CFAP20DC: variants seen among roughly 807,000 people sequenced by gnomAD.
The protein encoded by CFAP20DC is CFAP20 domain containing.
Under a neutral mutation model 101.7 loss-of-function variants are expected in CFAP20DC, and 84 were observed. The ratio of observed to expected loss-of-function variants is 0.83; its 90% CI spans 0.69 to 0.99. CFAP20DC has a LOEUF of 0.99. Among genes scored for constraint, CFAP20DC ranks in the 50% least tolerant of loss-of-function variants. The pLI is 0.00. For synonymous variants in CFAP20DC, 359 were observed against 351.2 expected (o/e 1.02, Z -0.25); for missense variants, 1,007 against 970.3 (o/e 1.04, Z -0.50).
At chr3:58,758,391 T>C (rs1318521914) in intron 15 of CFAP20DC, among the ~76,000 whole-genome samples, 2 of 152,112 alleles carry the variant, frequency 1.3e-5, no homozygotes, top group South Asian at 4.1e-4. Flanking sequence ...GTCTTAGCTT[T>C]AGTTCTGAAC....
At chr3:58,842,566 A>G (rs1009328541) in intron 13 of CFAP20DC, among the ~76,000 whole-genome samples, 1 of 152,250 alleles carries the variant, frequency 6.6e-6, no homozygotes, top group South Asian at 2.1e-4. Flanking sequence ...ATCAAACTGC[A>G]AGGCGGCAGC....
rs551035885 is a variant in CFAP20DC, at chr3:58,913,759, G to A, written c.499C>T (p.Arg167Trp). Residue 167 changes from arginine (R) to tryptophan (W), a missense_variant, in exon 6 of 17, where the codon CGG becomes TGG. By Grantham distance (101) the Arg-to-Trp change is moderately radical (BLOSUM62 -3). Transcript: ENST00000482387. This position sits in a 1 kb window ranked among gnomAD's most constrained non-coding sequence, Gnocchi z 4.4. The part of the protein sequence containing the change: ...GIVVSANCKL[R>W]KIFTLKSKPQ... ...TTTGATTTTAAGGTGAAGATCTTCC[G>A]TAGCTTACAGTTAGCTGAGACAACA... is the stretch of plus-strand genomic sequence containing the variant. The A allele has an allele frequency of 1.2e-5, 20 of 1,613,658 alleles. No individual in the cohort carries two copies. The highest frequency in any genetic ancestry group is 1.1e-4 in the South Asian group (10 of 91,068).
intron 14 of CFAP20DC, among the ~76,000 whole-genome samples, chr3:58,827,116 T>C (rs1021152240): frequency 6.6e-6 from 1 of 152,126 alleles, no homozygotes; most frequent in African/African-American, 2.4e-5. Context: ...GTGACAATGA[T>C]GTGTCAATGG....
In CFAP20DC at chr3:58,948,045, G is replaced by A. The variant is rs549733399; in HGVS notation, c.279-10283C>T. On this transcript the variant is annotated intron_variant, in intron 4 of 16. Transcript: ENST00000482387. ...TGTATATTGGAACTTGGGTCCATGG[G>A]TGAAGTGGGCCTCCACAGCATCAAA... 6.3e-4 allele frequency among the ~76,000 whole-genome samples: 96 copies of A among 152,310 alleles called. 2 individuals carry two copies. The South Asian group carries it at 0.019, about 31-fold the overall frequency.
At chr3:58,756,261 A>G (rs572557624) in intron 15 of CFAP20DC, among the ~76,000 whole-genome samples, 2 of 152,202 alleles carry the variant, frequency 1.3e-5, no homozygotes, top group South Asian at 4.1e-4. Context: ...CAGTATCCTC[A>G]AGATATTTAC....
In CFAP20DC at chr3:58,776,342, TAGATTTATAA is replaced by T. The variant is rs2071340362; in HGVS notation, c.2238-22489_2238-22480del. ...CCTCTATTTGCCTAAAAGTAGGACA[TAGATTTATAA>T]AGATAAAAGGTATCTTGGTCCCTCT... On this transcript the variant is annotated intron_variant, in intron 15 of 16. Transcript: ENST00000482387. Among the ~76,000 whole-genome samples, 3 of 152,046 alleles carry T rather than the reference TAGATTTATAA, an allele frequency of 2.0e-5. No individual in the cohort carries two copies. The South Asian group carries it at 6.2e-4, about 32-fold the overall frequency.
intron 14 of CFAP20DC, among the ~76,000 whole-genome samples, chr3:58,814,622 C>T (rs905993563): frequency 6.6e-6 from 1 of 151,114 alleles, no homozygotes; most frequent in African/African-American, 2.5e-5. Context: ...TGTCTCAGCC[C>T]AAAATCTCCT....
chr3:58,772,503 C>T (rs2070939506), intron 15 of CFAP20DC, among the ~76,000 whole-genome samples: 1 of 152,062 alleles, frequency 6.6e-6, no homozygotes, highest in Non-Finnish European at 1.5e-5. Context: ...CATATACTGC[C>T]AGAGTGTAAA....
chr3:58,771,726 C>T (rs757952372), intron 15 of CFAP20DC, among the ~76,000 whole-genome samples: 11 of 152,148 alleles, frequency 7.2e-5, no homozygotes, highest in Admixed American at 2.6e-4. Flanking sequence ...TCAATCTCTA[C>T]GAACAAATCT....
chr3:59,044,731 G>A (rs1282293983), intron 3 of CFAP20DC, among the ~76,000 whole-genome samples: 1 of 151,726 alleles, frequency 6.6e-6, no homozygotes, highest in African/African-American at 2.4e-5. Context: ...CATACTGAGG[G>A]CATTAAATGA....
At chr3:58,871,455 T>G (rs754627685) in intron 7 of CFAP20DC, among the ~76,000 whole-genome samples, 3 of 152,068 alleles carry the variant, frequency 2.0e-5, no homozygotes, top group Admixed American at 1.3e-4. Context: ...TGCCTTCCCT[T>G]CTGCACACAC....
At chr3:58,761,920 G>C (rs2069649255) in intron 15 of CFAP20DC, among the ~76,000 whole-genome samples, 1 of 152,036 alleles carries the variant, frequency 6.6e-6, no homozygotes, top group Admixed American at 6.6e-5. Context: ...TATAATTTCT[G>C]TTCTTTTACA....
chr3:59,016,887 G>T (rs890251178), intron 4 of CFAP20DC, among the ~76,000 whole-genome samples: 4 of 152,076 alleles, frequency 2.6e-5, no homozygotes, highest in Non-Finnish European at 4.4e-5. Flanking sequence ...CAATTCTTAA[G>T]ATCTTATTAG....
chr3:58,730,735 C>G (rs1178507217), intron 3 of CFAP20DC, among the ~76,000 whole-genome samples: 1 of 152,140 alleles, frequency 6.6e-6, no homozygotes, highest in Non-Finnish European at 1.5e-5. Flanking sequence ...ATTATTTTAG[C>G]CTCCCCAAAT....
intron 14 of CFAP20DC, among the ~76,000 whole-genome samples, chr3:58,821,697 G>A (rs920940382): frequency 1.3e-5 from 2 of 151,536 alleles, no homozygotes; most frequent in African/African-American, 2.4e-5. Context: ...ACTGTTGCTG[G>A]GACTGTAAAC....
rs1286811730 is a variant in CFAP20DC, at chr3:58,971,652, T to C, written c.279-33890A>G. On this transcript the variant is annotated intron_variant, in intron 4 of 16. Transcript: ENST00000482387. The surrounding 1 kb of genome is among the most constrained non-coding windows in gnomAD (Gnocchi z 4.1). The stretch of plus-strand genomic sequence containing the variant: ...AGAGGGAAAACTTGGAGGTCCACCA[T>C]AAGGATCTAGATAAATAGGTTATGT... Among the ~76,000 whole-genome samples the C allele has an allele frequency of 6.6e-6, 1 of 152,070 alleles. No homozygotes were observed. Among genetic ancestry groups the C allele is most frequent in the East Asian group, 1.9e-4 (1 of 5,194 alleles).
At chr3:59,034,340 T>A (rs1014443810) in intron 4 of CFAP20DC, among the ~76,000 whole-genome samples, 2 of 152,120 alleles carry the variant, frequency 1.3e-5, no homozygotes, top group South Asian at 2.1e-4. Context: ...AATTCACACA[T>A]AACAATATTA....
chr3:58,725,804 G>A (rs2067541292), intron 3 of CFAP20DC: 1 of 205,558 alleles, frequency 4.9e-6, no homozygotes, highest in African/African-American at 2.3e-5. Context: ...TGGTAATGAG[G>A]AGAGTTCACC....
At chr3:58,977,908 G>A (rs998898625) in intron 4 of CFAP20DC, among the ~76,000 whole-genome samples, 60 of 152,282 alleles carry the variant, frequency 3.9e-4, no homozygotes, top group African/African-American at 1.4e-3. Flanking sequence ...AGAAGTGTGG[G>A]AAGGAGGATG....
Sources: gnomAD v4.1 joint callset for allele counts (sites outside exome capture counted in the v4.1 genomes callset) on GRCh38, gnomAD v4.1.1 for gene constraint, Gnocchi (gnomAD v3.1) non-coding constraint, MANE v1.5 for transcripts, NCBI Gene and HGNC (gene_info 2026-07-23, HGNC 2026-07-21) for gene names.